The following ARID4A variants were observed in gnomAD, a reference collection of about 807,000 sequenced individuals.
ARID4A encodes AT-rich interaction domain 4A, also known as AT-rich interactive domain-containing protein 4A.
In ARID4A, 39 loss-of-function variants were observed where a neutral mutation model predicts 148.6. That is an observed-to-expected ratio of 0.26 (90% confidence interval 0.20 to 0.34). The LOEUF (loss-of-function observed/expected upper bound fraction) is 0.34, where lower values mean the gene tolerates loss of function less well. ARID4A is among the 10% of genes least tolerant of loss of function. The probability of loss-of-function intolerance (pLI) is 1.00; values close to 1 mark genes in which losing one functional copy is unlikely to be tolerated. For missense variants in ARID4A, 1,265 were observed against 1,449.1 expected, an observed-to-expected ratio of 0.87 and a Z score of 2.06; for synonymous variants, 475 against 481.2, an observed-to-expected ratio of 0.99 and a Z score of 0.17.
At chr14:58,303,670 C>T (rs1224347023) in intron 3 of ARID4A, 7 of 363,308 alleles carry the variant, frequency 1.9e-5, no homozygotes, top group African/African-American at 8.4e-5. Context: ...CCTAAAGGGT[C>T]CCTCCAGACC....
chr14:58,364,359 C>A lies in ARID4A; in HGVS notation c.2270C>A (p.Thr757Asn). The change falls in exon 20 of 24, where the codon ACC (threonine) becomes AAC (asparagine). Residue 757 changes from threonine (T) to asparagine (N), a missense_variant. By Grantham distance (65) the Thr-to-Asn change is moderately conservative. Around this residue, in one of 9 missense-constraint regions of ARID4A, gnomAD observed 666 missense variants for 730.9 expected, o/e 0.91. Coordinates refer to ENST00000355431, the MANE Select transcript of ARID4A (RefSeq NM_002892.4). Reference sequence around the variant, plus strand: ...AGGACTCAAATGCAGCCTTTAGAAACCCTGAAGTTAGAAGTTGGAGAGAAT... The same window carrying A: ...AGGACTCAAATGCAGCCTTTAGAAAACCTGAAGTTAGAAGTTGGAGAGAAT... ...NDRTQMQPLE[T>N]LKLEVGENEQ... is the part of the protein sequence containing the mutation. 6.3e-7 allele frequency: 1 copy of A among 1,593,968 alleles called. No individual in the cohort carries two copies. Among genetic ancestry groups the A allele is most frequent in the Non-Finnish European group, 8.5e-7 (1 of 1,174,924 alleles).
Position 58,347,653 on chromosome 14 carries a change from C to T in ARID4A, c.1179C>T (p.Leu393=), listed in dbSNP as rs17094466. The T allele has an allele frequency of 6.3e-7, 1 of 1,591,428 alleles. No homozygotes were observed. Among genetic ancestry groups the T allele is most frequent in the African/African-American group, 1.3e-5 (1 of 74,168 alleles). The change falls in exon 15 of 24, where the codon CTC becomes CTT. Residue 393 remains leucine (L), a synonymous_variant. Coordinates refer to ENST00000355431, the MANE Select transcript of ARID4A (RefSeq NM_002892.4). ...YNVKTAYRKY[L]YGFEEYCRSA... ...TGAAATATTGTTTGTTTAGGTATCT[C>T]TATGGTTTTGAGGAGTACTGCCGTT...
At chr14:58,318,910 A>G (rs907714790) in intron 7 of ARID4A, 105 bp downstream of exon 7, 2 of 852,440 alleles carry the variant, frequency 2.3e-6, no homozygotes, top group South Asian at 3.3e-5. Flanking sequence ...TTTCCATAGC[A>G]TATTGTATCC....
chr14:58,307,922 G>A (rs1263776277), intron 5 of ARID4A, among the ~76,000 whole-genome samples: 2 of 152,180 alleles, frequency 1.3e-5, no homozygotes, highest in East Asian at 3.8e-4. Context: ...GGTGTGTGTA[G>A]AATCACCGGA....
At chr14:58,342,607 G>A (rs906883892) in intron 11 of ARID4A, among the ~76,000 whole-genome samples, 2 of 152,244 alleles carry the variant, frequency 1.3e-5, no homozygotes, top group African/African-American at 4.8e-5. Flanking sequence ...CCTGAATTCT[G>A]TAGGATCATA....
At chr14:58,362,496 G>A (rs975727190) in intron 19 of ARID4A, among the ~76,000 whole-genome samples, 6 of 151,836 alleles carry the variant, frequency 4.0e-5, no homozygotes, top group Non-Finnish European at 7.4e-5. Context: ...AGGCTGAGGT[G>A]GGAGGATTGC....
At chr14:58,325,542 G>A (rs1356740421) in intron 8 of ARID4A, among the ~76,000 whole-genome samples, 1 of 152,086 alleles carries the variant, frequency 6.6e-6, no homozygotes, top group Non-Finnish European at 1.5e-5. Flanking sequence ...GGCCTTCCGA[G>A]GTGCTGGAAT....
At chr14:58,329,402 A>G in intron 9 of ARID4A, 126 bp from the exon 10 acceptor site, 2 of 671,578 alleles carry the variant, frequency 3.0e-6, no homozygotes, top group Non-Finnish European at 5.1e-6. Context: ...AAGGACTAAG[A>G]TAAAAACATT....
rs191422587 is a variant in ARID4A, at chr14:58,361,723, A to C, written c.2080+681A>C. On this transcript the variant is annotated intron_variant, in intron 19 of 23. Transcript: ENST00000355431. ...GTTTTCATTAAAAGGTTACCCGTAC[A>C]CTAGCTTGGGGTTGCTGAAGAAACT... Among the ~76,000 whole-genome samples the C allele has an allele frequency of 2.3e-3, 344 of 152,302 alleles. 7 individuals carry two copies. Among genetic ancestry groups the C allele is most frequent in the Admixed American group, 0.021 (324 of 15,292 alleles).
chr14:58,354,565 C>T (rs2034785153), intron 17 of ARID4A, among the ~76,000 whole-genome samples: 2 of 152,066 alleles, frequency 1.3e-5, no homozygotes, highest in South Asian at 2.1e-4. Context: ...CACCTGTAGT[C>T]CCAGTTACCC....
chr14:58,352,903 AC>A (rs756093161), intron 16 of ARID4A, among the ~76,000 whole-genome samples: 5 of 152,182 alleles, frequency 3.3e-5, no homozygotes, highest in Non-Finnish European at 5.9e-5. Context: ...GATTATCAAT[AC>A]AAAGAAAAGC....
At chr14:58,352,658 C>T (rs2034691165) in intron 16 of ARID4A, among the ~76,000 whole-genome samples, 2 of 152,052 alleles carry the variant, frequency 1.3e-5, no homozygotes. Context: ...AGAAAACATT[C>T]TCACTACAAA....
chr14:58,314,085 A>C (rs532378054), intron 5 of ARID4A, among the ~76,000 whole-genome samples: 7 of 152,236 alleles, frequency 4.6e-5, no homozygotes, highest in African/African-American at 1.7e-4. Flanking sequence ...ACTTTTGGTT[A>C]TATGTATGTT....
rs1405880670 is a variant in ARID4A, at chr14:58,320,620, T to TTC, written c.449+1815_449+1816insTC. On this transcript the variant is annotated intron_variant, in intron 7 of 23. Coordinates refer to ENST00000355431, the MANE Select transcript of ARID4A (RefSeq NM_002892.4). ...TTGACTTTTTTTTTTTTTTTTTTTT[T>TTC]CCCCTGAGACGGAGTCTCGCTCTGT... 6.2e-3 allele frequency among the ~76,000 whole-genome samples: 915 copies of TTC among 147,596 alleles called. 4 individuals are homozygous for TTC. Among genetic ancestry groups the TTC allele is most frequent in the African/African-American group, 0.022 (881 of 39,936 alleles).
Position 58,307,125 on chromosome 14 carries a change from C to G in ARID4A, c.274+1013C>G, listed in dbSNP as rs1212030154. Among the ~76,000 whole-genome samples the G allele has an allele frequency of 2.6e-5, 4 of 152,318 alleles. No individual in the cohort carries two copies. The South Asian group carries it at 8.3e-4, about 32-fold the overall frequency. ...CAAATCTCCTCTCAGTACTTTCAAA[C>G]TGCACAATCCTGTGGATAACATCCA... On this transcript the variant is annotated intron_variant, in intron 5 of 23. Coordinates refer to ENST00000355431, the MANE Select transcript of ARID4A (RefSeq NM_002892.4).
At chr14:58,348,788 A>C (rs1489765634) in intron 15 of ARID4A, among the ~76,000 whole-genome samples, 2 of 152,192 alleles carry the variant, frequency 1.3e-5, no homozygotes, top group South Asian at 2.1e-4. Context: ...TAGTAAATGG[A>C]ATCTTCTAGT....
At chr14:58,359,011 C>T (rs1481582325) in intron 17 of ARID4A, 121 bp from the exon 18 acceptor site, 1 of 1,124,044 alleles carries the variant, frequency 8.9e-7, no homozygotes, top group Admixed American at 3.2e-5. Flanking sequence ...ATATTCTTGC[C>T]AACACTAAGA....
At chr14:58,319,197 C>A (rs2032677992) in intron 7 of ARID4A, among the ~76,000 whole-genome samples, 1 of 151,590 alleles carries the variant, frequency 6.6e-6, no homozygotes, top group African/African-American at 2.4e-5. Flanking sequence ...GAAGCTGGGA[C>A]TACAGGCATG....
At chr14:58,323,724 C>A in intron 8 of ARID4A, 107 bp downstream of exon 8, 1 of 975,712 alleles carries the variant, frequency 1.0e-6, no homozygotes, top group South Asian at 1.7e-5. Flanking sequence ...CAAATTTGGA[C>A]TTTATTGGAG....
Sources: gnomAD v4.1 joint callset for allele counts (sites outside exome capture counted in the v4.1 genomes callset) on GRCh38, gnomAD v4.1.1 for gene constraint, gnomAD v4.1.1 regional missense constraint, MANE v1.5 for transcripts, NCBI Gene and HGNC (gene_info 2026-07-23, HGNC 2026-07-21) for gene names.